ZPBP: variants seen among roughly 807,000 people sequenced by gnomAD.
ZPBP encodes the protein zona pellucida-binding protein 1.
Under a neutral mutation model 44.8 loss-of-function variants are expected in ZPBP, and 26 were observed. That is an observed-to-expected ratio of 0.58 (90% CI 0.43 to 0.81). ZPBP has a LOEUF of 0.81. Among genes scored for constraint, ZPBP ranks in the 30% least tolerant of loss-of-function variants. ZPBP has a pLI of 0.00. For synonymous variants in ZPBP, 174 were observed against 153.2 expected (o/e 1.14, Z -1.00); for missense variants, 409 against 434.0 (o/e 0.94, Z 0.51).
At chr7:50,081,554 A>AC (rs1802353646) in intron 3 of ZPBP, among the ~76,000 whole-genome samples, 1 of 151,710 alleles carries the variant, frequency 6.6e-6, no homozygotes, top group African/African-American at 2.4e-5. Context: ...TGCTTTGAGA[A>AC]CCCCCCAAAC....
At chr7:49,842,655 T>C in the ZPBP span, among the ~76,000 whole-genome samples, 3 of 152,236 alleles carry the variant, frequency 2.0e-5, no homozygotes, top group African/African-American at 7.2e-5. Flanking sequence ...AATAATTGTC[T>C]TTAAAGTTAT....
downstream of ZPBP, among the ~76,000 whole-genome samples, chr7:49,849,196 TG>T (rs1435224092): frequency 3.3e-5 from 5 of 152,292 alleles, no homozygotes; most frequent in African/African-American, 7.2e-5. Flanking sequence ...GCCTCGGCTG[TG>T]GGGGGAAACC....
At chr7:49,856,756 C>T (rs544874382) in intron 2 of ZPBP, among the ~76,000 whole-genome samples, 3 of 152,120 alleles carry the variant, frequency 2.0e-5, no homozygotes, top group African/African-American at 7.2e-5. Context: ...GGTAAGAACA[C>T]GTAACATGAT....
chr7:49,992,188 G>A (rs1451008407), intron 6 of ZPBP, among the ~76,000 whole-genome samples: 2 of 151,948 alleles, frequency 1.3e-5, no homozygotes, highest in Non-Finnish European at 2.9e-5. Context: ...TACTGATAAA[G>A]GTCTAAAAAG....
At chr7:49,951,527 A>ATTTCACATAT (rs1795343026) in intron 7 of ZPBP, among the ~76,000 whole-genome samples, 1 of 151,392 alleles carries the variant, frequency 6.6e-6, no homozygotes, top group African/African-American at 2.4e-5. Flanking sequence ...CACATATACT[A>ATTTCACATAT]GAATGGTTAA....
At chr7:49,961,697 G>A (rs918323528) in intron 7 of ZPBP, among the ~76,000 whole-genome samples, 10 of 152,060 alleles carry the variant, frequency 6.6e-5, no homozygotes, top group South Asian at 2.1e-4. Flanking sequence ...GTCATTATTC[G>A]TGATCCCAAT....
intron 2 of ZPBP, among the ~76,000 whole-genome samples, chr7:49,881,414 T>A (rs1255406953): frequency 2.0e-5 from 3 of 152,108 alleles, no homozygotes; most frequent in Non-Finnish European, 4.4e-5. Context: ...AATGAATGAT[T>A]TAATAGAAAG....
chr7:49,915,589 C>T (rs1411188579), intron 1 of ZPBP: 1 of 152,050 alleles, frequency 6.6e-6, no homozygotes, highest in African/African-American at 2.4e-5. Flanking sequence ...TAAATGTATA[C>T]ATTATCTGAA....
chr7:49,965,661 T>C (rs1351183126), intron 7 of ZPBP, among the ~76,000 whole-genome samples: 1 of 152,048 alleles, frequency 6.6e-6, no homozygotes, highest in Non-Finnish European at 1.5e-5. Context: ...TAACTGACTG[T>C]TTAATAAGCA....
At chr7:50,051,534 T>C (rs1210300611) in intron 4 of ZPBP, among the ~76,000 whole-genome samples, 2 of 151,956 alleles carry the variant, frequency 1.3e-5, no homozygotes, top group Non-Finnish European at 2.9e-5. Context: ...TTCCATGTCA[T>C]TGAAGGAAAG....
chr7:50,053,393 G>A (rs2128827078), intron 4 of ZPBP, among the ~76,000 whole-genome samples: 1 of 152,246 alleles, frequency 6.6e-6, no homozygotes, highest in South Asian at 2.1e-4. Context: ...TTCCTTGTAT[G>A]TAACTGAAAA....
chr7:50,085,685 G>T (rs192894190), intron 2 of ZPBP, among the ~76,000 whole-genome samples: 1 of 152,178 alleles, frequency 6.6e-6, no homozygotes, highest in East Asian at 1.9e-4. Flanking sequence ...TTCCCCAAAA[G>T]AATTCGTTAA....
At chr7:49,978,333 A>G (rs1796623889) in intron 7 of ZPBP, among the ~76,000 whole-genome samples, 1 of 152,044 alleles carries the variant, frequency 6.6e-6, no homozygotes, top group South Asian at 2.1e-4. Flanking sequence ...GATTAACAAA[A>G]TGTTGTACAT....
rs1797424683 is a variant in ZPBP, at chr7:49,988,591, T to C, written c.784-5072A>G. On this transcript the variant is annotated intron_variant, in intron 6 of 7. Transcript: ENST00000046087. ...AACCACAGAGATAACCAAATTTCTT[T>C]GTTAGTCATGTTTCTAACTGTAACT... is the stretch of plus-strand genomic sequence containing the variant. Among the ~76,000 whole-genome samples the C allele has an allele frequency of 3.3e-5, 5 of 152,356 alleles. No homozygotes were observed. The South Asian group carries it at 1.0e-3, about 32-fold the overall frequency.
chr7:50,010,864 A>G (rs967113669), intron 6 of ZPBP, among the ~76,000 whole-genome samples: 1 of 146,364 alleles, frequency 6.8e-6, no homozygotes, highest in African/African-American at 2.5e-5. Context: ...TAAAATTTAT[A>G]TGGAACCAAT....
chr7:49,877,794 T>A (rs1583736853), intron 2 of ZPBP, among the ~76,000 whole-genome samples: 1 of 151,632 alleles, frequency 6.6e-6, no homozygotes, highest in East Asian at 1.9e-4. Flanking sequence ...TTGTCATTAT[T>A]ATTATTTGAA....
chr7:49,940,873 G>A (rs1794850630), intron 7 of ZPBP: 3 of 772,254 alleles, frequency 3.9e-6, no homozygotes, highest in Non-Finnish European at 4.7e-6. Flanking sequence ...ACCACAAGGA[G>A]ACAACAAAGG....
intron 4 of ZPBP, among the ~76,000 whole-genome samples, chr7:50,050,806 A>AC (rs1266723858): frequency 6.6e-6 from 1 of 150,394 alleles, no homozygotes; most frequent in Non-Finnish European, 1.5e-5. Flanking sequence ...AAAAAAAAAA[A>AC]AAAAAAAACC....
rs900805640 is a variant in ZPBP at position 49,993,009 on chromosome 7, T to A, written c.784-9490A>T. 5.9e-5 allele frequency among the ~76,000 whole-genome samples: 9 copies of A among 152,116 alleles called. No individual in the cohort carries two copies. In the East Asian group the frequency reaches 7.7e-4, roughly 13 times the overall value. Reference sequence around the variant, plus strand: ...AAAGATAAAAGCAAGTCAGGAGAGTTAAAGGTTCTTAAGGCCTTGTATATT... The same window carrying A: ...AAAGATAAAAGCAAGTCAGGAGAGTAAAAGGTTCTTAAGGCCTTGTATATT... On this transcript the variant is annotated intron_variant, in intron 6 of 7. Coordinates refer to ENST00000046087, the MANE Select transcript of ZPBP (RefSeq NM_007009.3).
Sources: allele counts gnomAD v4.1 joint callset (sites outside exome capture counted in the v4.1 genomes callset), GRCh38; gene constraint gnomAD v4.1.1; transcripts MANE v1.5; gene names NCBI Gene and HGNC (gene_info 2026-07-23, HGNC 2026-07-21).